PLA2G2A: variants seen among roughly 807,000 people sequenced by gnomAD.
PLA2G2A encodes phospholipase A2, membrane associated.
PLA2G2A carries 6 observed loss-of-function variants against 11.2 expected under a neutral mutation model. That is an observed-to-expected ratio of 0.54 (90% CI 0.29 to 1.06). PLA2G2A has a LOEUF of 1.06. PLA2G2A is among the 50% of genes least tolerant of loss of function. The probability of loss-of-function intolerance (pLI) is 0.08; values close to 1 mark genes in which losing one functional copy is unlikely to be tolerated. For missense variants in PLA2G2A, 133 were observed against 177.1 expected (o/e 0.75, Z 1.41); for synonymous variants, 69 against 65.8 (o/e 1.05, Z -0.23).
In PLA2G2A at chr1:19,978,895, A is replaced by G; in HGVS notation, c.-106-16T>C. The G allele has an allele frequency of 3.5e-6, 3 of 859,962 alleles. No homozygotes were observed. Among genetic ancestry groups the G allele is most frequent in the Non-Finnish European group, 5.8e-6 (3 of 513,196 alleles). The allele number at this position is 859,962 out of a possible 1,614,324, so 53.3% of individuals were successfully genotyped here. A position where few individuals can be genotyped will look rare whatever the true frequency, so the allele number is the denominator to read the frequency against. On this transcript the variant is annotated splice_polypyrimidine_tract_variant and intron_variant, in intron 1 of 4. Transcript: ENST00000482011. ...CTTGGTGGCTCTGAGACACACAGAC[A>G]TGCTCTCCCATCCAACCTAAGTCCA... is the stretch of plus-strand genomic sequence containing the variant.
chr1:19,979,847 G>C (rs1196654507), upstream of PLA2G2A: 1 of 152,214 alleles, frequency 6.6e-6, no homozygotes, highest in African/African-American at 2.4e-5. Flanking sequence ...AGGCAGTTTT[G>C]CAGTCTTTCC....
intron 1 of PLA2G2A, 59 bp from the exon 2 acceptor site, chr1:19,978,938 A>G: frequency 2.9e-6 from 2 of 680,572 alleles, no homozygotes; most frequent in Non-Finnish European, 5.3e-6. Flanking sequence ...TTCCTCTGTC[A>G]CACTCAGAGC....
chr1:19,978,077 C>G lies in PLA2G2A; in HGVS notation c.230G>C (p.Arg77Pro), dbSNP rs577489367. 22 of 1,613,922 alleles carry G rather than the reference C, an allele frequency of 1.4e-5. No individual in the cohort carries two copies. Among genetic ancestry groups the G allele is most frequent in the Non-Finnish European group, 1.8e-5 (21 of 1,179,922 alleles). ...GCTCAGAAATTTGGTGCCACATCCA[C>G]GTTTCTCCAGACGTTTGTAGCAACA... Residue 77 changes from arginine (R) to proline (P), a missense_variant, in exon 4 of 5, where the codon CGT (arginine) becomes CCT (proline). Physicochemically the swap from Arg to Pro is moderately radical, Grantham distance 103 (BLOSUM62 -2). Coordinates refer to ENST00000482011, the Ensembl canonical transcript of PLA2G2A.
chr1:19,979,111 C>G, intron 1 of PLA2G2A: 1 of 369,422 alleles, frequency 2.7e-6, no homozygotes, highest in Non-Finnish European at 5.1e-6. Context: ...TGTACCTCAT[C>G]AGACTGAGAG....
intron 4 of PLA2G2A, among the ~76,000 whole-genome samples, chr1:19,976,536 T>C (rs765398258): frequency 5.9e-5 from 9 of 152,332 alleles, no homozygotes; most frequent in Middle Eastern, 3.4e-3. Flanking sequence ...TGCAAGCCAC[T>C]GTCAGCTTGG....
chr1:19,977,129 G>T (rs746647741), intron 4 of PLA2G2A, among the ~76,000 whole-genome samples: 3 of 152,290 alleles, frequency 2.0e-5, no homozygotes, highest in African/African-American at 7.2e-5. Flanking sequence ...CCCCTGAGCT[G>T]CATTTGTATA....
chr1:19,975,640 A>C, downstream of PLA2G2A: 1 of 1,490,948 alleles, frequency 6.7e-7, no homozygotes, highest in Non-Finnish European at 9.4e-7. Flanking sequence ...TAGGGTAGGG[A>C]GGGAGGGTAT....
upstream of PLA2G2A, chr1:19,980,248 TTTC>T (rs1321555373): frequency 1.3e-5 from 2 of 152,242 alleles, no homozygotes; most frequent in African/African-American, 4.8e-5. Context: ...CTTATTCTTC[TTTC>T]TTCTTTTCCT....
chr1:19,977,405 A>G (rs80074825), intron 4 of PLA2G2A, among the ~76,000 whole-genome samples: 3 of 152,138 alleles, frequency 2.0e-5, no homozygotes, highest in Non-Finnish European at 4.4e-5. Flanking sequence ...TTTTATGTCA[A>G]GATGTTACTC....
In PLA2G2A at chr1:19,978,293, G is replaced by A. The variant is rs887790602; in HGVS notation, c.185+87C>T. On this transcript the variant is annotated intron_variant, in intron 3 of 4. Coordinates refer to ENST00000482011, the Ensembl canonical transcript of PLA2G2A. ...AGCCAGGCCATCCTGAGACCTCTGC[G>A]CCCATCAGGAACCGGCACTGTCTTT... 11 of 1,504,714 alleles carry A rather than the reference G, an allele frequency of 7.3e-6. No individual in the cohort carries two copies. In the East Asian group the frequency reaches 1.1e-4, roughly 16 times the overall value. 93.2% of individuals were successfully genotyped at this position (1,504,714 alleles called of 1,614,324 possible).
chr1:19,978,309 C>T, intron 3 of PLA2G2A, 71 bp downstream of exon 3: 1 of 1,567,330 alleles, frequency 6.4e-7, no homozygotes, highest in Non-Finnish European at 8.7e-7. Context: ...CAGGAACCGG[C>T]ACTGTCTTTG....
chr1:19,977,997 G>C lies in PLA2G2A; in HGVS notation c.292+18C>G. 7.0e-7 allele frequency: 1 copy of C among 1,438,358 alleles called. No individual in the cohort carries two copies. Among genetic ancestry groups the C allele is most frequent in the Non-Finnish European group, 9.8e-7 (1 of 1,019,346 alleles). The allele number at this position is 1,438,358 out of a possible 1,614,324, so 89.1% of individuals were successfully genotyped here. On this transcript the variant is annotated intron_variant, in intron 4 of 4. Coordinates refer to ENST00000482011, the Ensembl canonical transcript of PLA2G2A. Reference sequence around the variant, plus strand: ...CTAAACAAATGAGGGCCACTCGATGGTGAGGTAGGACTCTTACCACAGGTG... The same window carrying C: ...CTAAACAAATGAGGGCCACTCGATGCTGAGGTAGGACTCTTACCACAGGTG...
At chr1:19,978,973 G>GCACACACACACACACACA (rs3061293) in intron 1 of PLA2G2A, 94 bp from the exon 2 acceptor site, 2 of 484,672 alleles carry the variant, frequency 4.1e-6, no homozygotes, top group African/African-American at 4.0e-5. Flanking sequence ...CTCCAGCAAT[G>GCACACACACACACACACA]CACACACACA....
rs2046251445 is a variant in PLA2G2A, at chr1:19,978,314, T to C, written c.185+66A>G. 12 of 1,579,156 alleles carry C rather than the reference T, an allele frequency of 7.6e-6. No individual in the cohort carries two copies. In the East Asian group the frequency reaches 2.7e-4, roughly 35 times the overall value. ...CTGCGCCCATCAGGAACCGGCACTG[T>C]CTTTGCAGCTCCCAGCCCTGCCTGG... On this transcript the variant is annotated intron_variant, in intron 3 of 4. Transcript: ENST00000482011.
Position 19,976,603 on chromosome 1 carries a change from C to G in PLA2G2A, c.293-760G>C, listed in dbSNP as rs74920743. Among the ~76,000 whole-genome samples the G allele has an allele frequency of 3.8e-3, 573 of 152,296 alleles. 1 individual carries two copies. Among genetic ancestry groups the G allele is most frequent in the Non-Finnish European group, 5.6e-3 (379 of 68,024 alleles). ...AAGATACATGCCTCTATGGAGAGGC[C>G]ATGATGGGAGACATAATTTCTGATC... is the stretch of plus-strand genomic sequence containing the variant. On this transcript the variant is annotated intron_variant, in intron 4 of 4. Coordinates refer to ENST00000482011, the Ensembl canonical transcript of PLA2G2A.
intron 2 of PLA2G2A, 29 bp downstream of exon 2, chr1:19,978,705 C>A: frequency 6.2e-7 from 1 of 1,613,116 alleles, no homozygotes; most frequent in Non-Finnish European, 8.5e-7. Flanking sequence ...GCTGTCCCCC[C>A]ATGCTCAGAG....
At chr1:19,978,615 A>G in intron 2 of PLA2G2A, 91 bp from the exon 3 acceptor site, 1 of 1,600,868 alleles carries the variant, frequency 6.2e-7, no homozygotes, top group Non-Finnish European at 8.6e-7. Context: ...CTTCCTCCCA[A>G]ATGGCTTCTT....
intron 3 of PLA2G2A, 60 bp from the exon 4 acceptor site, chr1:19,978,181 T>C (rs986392693): frequency 2.1e-6 from 3 of 1,396,456 alleles, no homozygotes; most frequent in East Asian, 2.3e-5. Context: ...CTGGTGCCTG[T>C]GGTCTCACCC....
In PLA2G2A at chr1:19,978,432, C is replaced by T. The variant is rs2046254787; in HGVS notation, c.133G>A (p.Gly45Ser). The change falls in exon 3 of 5, where the codon GGC (glycine) becomes AGC (serine). Residue 45 changes from glycine (G) to serine (S), a missense_variant. Physicochemically the swap from Gly to Ser is moderately conservative, Grantham distance 56 (BLOSUM62 0). Coordinates refer to ENST00000482011, the Ensembl canonical transcript of PLA2G2A. ...CTGCCACCCACGCCACAGTGGCAGC[C>T]GTAGAAGCCATAACTGAGTGCGGCT... 4 of 1,612,518 alleles carry T rather than the reference C, an allele frequency of 2.5e-6. No individual in the cohort carries two copies. The highest frequency in any genetic ancestry group is 1.7e-5 in the Admixed American group (1 of 59,996).
Sources: gnomAD v4.1 joint callset for allele counts (sites outside exome capture counted in the v4.1 genomes callset) on GRCh38, gnomAD v4.1.1 for gene constraint, MANE v1.5 for transcripts, NCBI Gene and HGNC (gene_info 2026-07-23, HGNC 2026-07-21) for gene names.